The following ITPR2 variants were observed in gnomAD, a reference collection of about 807,000 sequenced individuals.
ITPR2 encodes the protein inositol 1,4,5-trisphosphate receptor type 2.
In ITPR2, 207 loss-of-function variants were observed where a neutral mutation model predicts 317.1. The observed-to-expected ratio is 0.65, with a 90% CI of 0.58 to 0.73. The LOEUF is 0.73. Among genes scored for constraint, ITPR2 ranks in the 30% least tolerant of loss-of-function variants. The probability of loss-of-function intolerance (pLI) is 0.00; values close to 1 mark genes in which losing one functional copy is unlikely to be tolerated. For synonymous variants in ITPR2, 1,156 were observed against 1,149.1 expected (o/e 1.01, Z -0.12); for missense variants, 2,613 against 3,284.0 (o/e 0.80, Z 4.99).
At chr12:26,769,271 A>T (rs987152714) in intron 2 of ITPR2, among the ~76,000 whole-genome samples, 1 of 152,068 alleles carries the variant, frequency 6.6e-6, no homozygotes, top group Non-Finnish European at 1.5e-5. Flanking sequence ...CAATTTCTAA[A>T]CCACTTCCAA....
chr12:26,772,491 C>CATTTATTATATATATAATAT (rs3064583), intron 2 of ITPR2, among the ~76,000 whole-genome samples: 5 of 100,504 alleles, frequency 5.0e-5, no homozygotes, highest in Non-Finnish European at 1.1e-4. Context: ...ATATATAATA[C>CATTTATTATATATATAATAT]ATATAATACA....
At chr12:26,669,737 G>C (rs535991242) in intron 13 of ITPR2, among the ~76,000 whole-genome samples, 3 of 152,374 alleles carry the variant, frequency 2.0e-5, no homozygotes, top group African/African-American at 4.8e-5. Flanking sequence ...AGCCGAAGCA[G>C]TGCGAGGCAT....
chr12:26,739,939 AGTT>A (rs1168064242), intron 2 of ITPR2, among the ~76,000 whole-genome samples: 1 of 152,198 alleles, frequency 6.6e-6, no homozygotes, highest in African/African-American at 2.4e-5. Flanking sequence ...TTTTATTAAT[AGTT>A]GTTGTGGTTT....
chr12:26,599,971 C>A lies in ITPR2; in HGVS notation c.3801+16G>T. 1 of 1,576,796 alleles carries A rather than the reference C, an allele frequency of 6.3e-7. No homozygotes were observed. The highest frequency in any genetic ancestry group is 8.7e-7 in the Non-Finnish European group (1 of 1,149,454). On this transcript the variant is annotated intron_variant, in intron 29 of 56. Transcript: ENST00000381340. ...CACACTTTACTAGAAATACTAGAAG[C>A]CACTAAAATACTTACACCTGGAGTT...
chr12:26,456,183 G>C (rs981752594), intron 45 of ITPR2, among the ~76,000 whole-genome samples: 1 of 152,196 alleles, frequency 6.6e-6, no homozygotes, highest in African/African-American at 2.4e-5. Flanking sequence ...ACAAGGTACA[G>C]GTCACAAAGA....
intron 2 of ITPR2, among the ~76,000 whole-genome samples, chr12:26,764,221 A>G (rs1283554950): frequency 6.6e-6 from 1 of 152,128 alleles, no homozygotes; most frequent in Non-Finnish European, 1.5e-5. Context: ...TCATAGACCT[A>G]AATGTGAAGT....
At chr12:26,385,272 A>G (rs7312268) in intron 55 of ITPR2, among the ~76,000 whole-genome samples, 6,457 of 152,098 alleles carry the variant, frequency 0.042, 450 homozygotes, top group African/African-American at 0.15. Flanking sequence ...TCTCACCTCA[A>G]AATCAACAAG....
intron 45 of ITPR2, among the ~76,000 whole-genome samples, chr12:26,449,351 A>G (rs573325666): frequency 4.8e-4 from 73 of 152,306 alleles, no homozygotes; most frequent in African/African-American, 1.6e-3. Flanking sequence ...CTAAGGCTTT[A>G]CGTATTCTAA....
intron 45 of ITPR2, among the ~76,000 whole-genome samples, chr12:26,457,709 T>C (rs1941925775): frequency 6.6e-6 from 1 of 152,176 alleles, no homozygotes; most frequent in Non-Finnish European, 1.5e-5. Context: ...GGTGGGACTG[T>C]ACAGTGGTTA....
intron 48 of ITPR2, among the ~76,000 whole-genome samples, chr12:26,433,723 C>T (rs992760458): frequency 6.6e-6 from 1 of 152,028 alleles, no homozygotes; most frequent in African/African-American, 2.4e-5. Context: ...ATAGTAAAGA[C>T]GACCCAGGGA....
rs1942699481 is a variant in ITPR2, at chr12:26,487,485, T to G, written c.5371-234A>C. On this transcript the variant is annotated intron_variant, in intron 39 of 56. Coordinates refer to ENST00000381340, the MANE Select transcript of ITPR2 (RefSeq NM_002223.4). ...CTCCAACATATTTTCAGATGCTGTT[T>G]AATTTATCCTTACTGGTTATATATT... 2.0e-5 allele frequency among the ~76,000 whole-genome samples: 3 copies of G among 152,338 alleles called. No individual in the cohort carries two copies. In the South Asian group the frequency reaches 6.2e-4, roughly 32 times the overall value.
intron 2 of ITPR2, among the ~76,000 whole-genome samples, chr12:26,744,629 T>A (rs1335505899): frequency 6.6e-6 from 1 of 152,156 alleles, no homozygotes; most frequent in African/African-American, 2.4e-5. Flanking sequence ...AAAAAAAACA[T>A]TAGTTATATT....
chr12:26,746,080 A>T (rs1019925006), intron 2 of ITPR2, among the ~76,000 whole-genome samples: 1 of 152,088 alleles, frequency 6.6e-6, no homozygotes, highest in African/African-American at 2.4e-5. Flanking sequence ...TACACATTAA[A>T]TTTCTTCTAA....
intron 55 of ITPR2, among the ~76,000 whole-genome samples, chr12:26,383,438 G>A (rs1939570441): frequency 6.6e-6 from 1 of 151,804 alleles, no homozygotes; most frequent in South Asian, 2.1e-4. Context: ...ACAGAGGGAG[G>A]AACATTCCCA....
At chr12:26,419,247 T>A (rs914407468) in intron 49 of ITPR2, 34 bp from the exon 50 acceptor site, 1 of 1,592,308 alleles carries the variant, frequency 6.3e-7, no homozygotes, top group Non-Finnish European at 8.6e-7. Context: ...ATTACTGTCT[T>A]ATTTATCCTG....
chr12:26,423,805 T>C (rs1279397057), intron 49 of ITPR2, among the ~76,000 whole-genome samples: 1 of 152,150 alleles, frequency 6.6e-6, no homozygotes, highest in Non-Finnish European at 1.5e-5. Flanking sequence ...TGCTTTATAA[T>C]GAGAAAAAAA....
chr12:26,559,995 T>C (rs1459167568), intron 35 of ITPR2, among the ~76,000 whole-genome samples: 1 of 152,242 alleles, frequency 6.6e-6, no homozygotes, highest in Non-Finnish European at 1.5e-5. Flanking sequence ...TTTAATGAGT[T>C]AGAATGCATG....
chr12:26,600,840 A>G (rs1341692384), intron 28 of ITPR2, among the ~76,000 whole-genome samples: 1 of 151,158 alleles, frequency 6.6e-6, no homozygotes, highest in African/African-American at 2.4e-5. Context: ...TTTATTACTC[A>G]CTCATCTCAG....
chr12:26,826,396 T>A (rs918701200), intron 1 of ITPR2, among the ~76,000 whole-genome samples: 1 of 152,158 alleles, frequency 6.6e-6, no homozygotes, highest in Non-Finnish European at 1.5e-5. Flanking sequence ...AATAGTAAAA[T>A]GTAAACAGTT....
Sources: gnomAD v4.1 joint callset for allele counts (sites outside exome capture counted in the v4.1 genomes callset) on GRCh38, gnomAD v4.1.1 for gene constraint, MANE v1.5 for transcripts, NCBI Gene and HGNC (gene_info 2026-07-23, HGNC 2026-07-21) for gene names.